Variants in SNX4 observed in about 807,000 individuals in gnomAD.
SNX4 encodes sorting nexin-4.
A neutral mutation model predicts 70.8 loss-of-function variants in SNX4; 49 were observed. The observed-to-expected ratio is 0.69, with a 90% confidence interval of 0.55 to 0.88. The LOEUF is 0.88. Ranked by LOEUF, SNX4 falls within the 40% of genes least tolerant of loss-of-function variation. The probability of loss-of-function intolerance (pLI) is 0.00; values close to 1 mark genes in which losing one functional copy is unlikely to be tolerated. For synonymous variants in SNX4, 206 were observed against 183.8 expected (o/e 1.12, Z -0.98); for missense variants, 528 against 544.8 (o/e 0.97, Z 0.31).
At chr3:125,498,304 A>G in intron 2 of SNX4, 110 bp from the exon 3 acceptor site, 1 of 1,041,142 alleles carries the variant, frequency 9.6e-7, no homozygotes, top group Admixed American at 2.8e-5. Flanking sequence ...ACCAGGCACT[A>G]AGTAAAGAAC....
intron 9 of SNX4, among the ~76,000 whole-genome samples, chr3:125,461,442 T>C (rs575723052): frequency 1.3e-5 from 2 of 152,302 alleles, no homozygotes; most frequent in Non-Finnish European, 2.9e-5. Flanking sequence ...AAAAATGGTC[T>C]TTTTCATAGG....
At chr3:125,510,044 AC>A (rs960660166) in intron 1 of SNX4, among the ~76,000 whole-genome samples, 1 of 152,194 alleles carries the variant, frequency 6.6e-6, no homozygotes. Flanking sequence ...AGAAAACAGT[AC>A]AGTGGTGCCT....
At chr3:125,467,688 C>G (rs1207256800) in intron 9 of SNX4, among the ~76,000 whole-genome samples, 1 of 152,160 alleles carries the variant, frequency 6.6e-6, no homozygotes, top group Non-Finnish European at 1.5e-5. Context: ...GCTGGGATTA[C>G]AGGCGTGAGC....
intron 5 of SNX4, among the ~76,000 whole-genome samples, chr3:125,493,181 T>TA (rs1934699991): frequency 6.6e-6 from 1 of 152,124 alleles, no homozygotes; most frequent in African/African-American, 2.4e-5. Flanking sequence ...ACTCCTGGGC[T>TA]AAAGTGATCC....
intron 5 of SNX4, among the ~76,000 whole-genome samples, chr3:125,491,265 A>G (rs1036388647): frequency 2.0e-5 from 3 of 152,238 alleles, no homozygotes; most frequent in Non-Finnish European, 2.9e-5. Flanking sequence ...CTATGAATTT[A>G]AGGTATACAT....
chr3:125,487,943 G>GTGAA (rs1165086069), intron 6 of SNX4, among the ~76,000 whole-genome samples: 3 of 151,938 alleles, frequency 2.0e-5, no homozygotes, highest in African/African-American at 7.3e-5. Context: ...AACACCAAGT[G>GTGAA]TGAACCCTAA....
At chr3:125,510,636 A>G (rs1580011127) in intron 1 of SNX4, among the ~76,000 whole-genome samples, 1 of 152,254 alleles carries the variant, frequency 6.6e-6, no homozygotes, top group East Asian at 1.9e-4. Context: ...TATATCTTAA[A>G]GACATTATGA....
At chr3:125,512,005 G>A (rs1357907111) in intron 1 of SNX4, among the ~76,000 whole-genome samples, 1 of 152,162 alleles carries the variant, frequency 6.6e-6, no homozygotes, top group Non-Finnish European at 1.5e-5. Context: ...AGCCAACCCA[G>A]TGGGTTGAAA....
intron 9 of SNX4, among the ~76,000 whole-genome samples, chr3:125,461,368 T>C (rs1477135189): frequency 6.6e-6 from 1 of 152,258 alleles, no homozygotes; most frequent in Non-Finnish European, 1.5e-5. Context: ...GTAATTACCA[T>C]GATGATTTTA....
Position 125,452,151 on chromosome 3 carries a change from G to A in SNX4, c.1191-732C>T, listed in dbSNP as rs1277483789. ...GACCAAGTCTCGCTCTGTAGCCCAGGCTGGAGTGCAGAGGCGTGATCTTGG... is the reference window on the plus strand; with the variant it reads ...GACCAAGTCTCGCTCTGTAGCCCAGACTGGAGTGCAGAGGCGTGATCTTGG... On this transcript the variant is annotated intron_variant, in intron 12 of 13. Coordinates refer to ENST00000251775, the MANE Select transcript of SNX4 (RefSeq NM_003794.4). 2.0e-5 allele frequency among the ~76,000 whole-genome samples: 3 copies of A among 151,812 alleles called. No homozygotes were observed. The South Asian group carries it at 6.3e-4, about 32-fold the overall frequency.
At chr3:125,458,129 T>A (rs1933771407) in intron 10 of SNX4, among the ~76,000 whole-genome samples, 1 of 151,484 alleles carries the variant, frequency 6.6e-6, no homozygotes, top group Admixed American at 6.6e-5. Flanking sequence ...AGATAATACC[T>A]CAAAGTTTTC....
chr3:125,519,754 C>A (rs779311129), intron 1 of SNX4, among the ~76,000 whole-genome samples: 54 of 151,956 alleles, frequency 3.6e-4, no homozygotes, highest in Non-Finnish European at 1.8e-4. Context: ...TGCGGGGGCG[C>A]CCCCCCGGGT....
rs994489478 is a variant in SNX4, at chr3:125,460,807, T to C, written c.908A>G (p.Gln303Arg). 3.2e-6 allele frequency: 5 copies of C among 1,568,178 alleles called. No individual in the cohort carries two copies. The highest frequency in any genetic ancestry group is 3.5e-6 in the Non-Finnish European group (4 of 1,157,198). ...ILEDEEHYAD[Q>R]LKEYLFYAEA... The stretch of plus-strand genomic sequence containing the variant: ...TGCATAAAAAAGATACTCTTTTAAC[T>C]GATCTGCATAATGTTCTTCATCTTC... Residue 303 changes from glutamine to arginine, a missense_variant, in exon 10 of 14, where the codon CAG becomes CGG. Around this residue, in one of 3 missense-constraint regions of SNX4, gnomAD observed 159 missense variants for 172.6 expected, o/e 0.92. Coordinates refer to ENST00000251775, the MANE Select transcript of SNX4 (RefSeq NM_003794.4).
chr3:125,520,060 G>A lies in SNX4; in HGVS notation c.113C>T (p.Ala38Val), dbSNP rs1178832781. ...GAAVGKEAEG[A>V]GEESSGVDTM... ...GTCGACCCCAGAGCTCTCTTCTCCG[G>A]CCCCCTCCGCTTCCTTGCCGACCGC... is the stretch of plus-strand genomic sequence containing the variant. The change falls in exon 1 of 14, where the codon GCC (alanine) becomes GTC (valine). Residue 38 changes from alanine to valine, a missense_variant. Coordinates refer to ENST00000251775, the MANE Select transcript of SNX4 (RefSeq NM_003794.4). The A allele has an allele frequency of 1.9e-6, 3 of 1,556,382 alleles. No individual in the cohort carries two copies. Among genetic ancestry groups the A allele is most frequent in the Admixed American group, 1.8e-5 (1 of 54,096 alleles).
chr3:125,469,174 C>T (rs911277384), intron 9 of SNX4, among the ~76,000 whole-genome samples: 6 of 152,140 alleles, frequency 3.9e-5, no homozygotes, highest in African/African-American at 1.4e-4. Context: ...AGACTTTTTA[C>T]TGTAAATGGG....
rs1474241858 is a variant in SNX4, at chr3:125,507,885, T to A, written c.142-3141A>T. 2.0e-5 allele frequency among the ~76,000 whole-genome samples: 3 copies of A among 151,940 alleles called. No homozygotes were observed. The East Asian group carries it at 5.8e-4, about 29-fold the overall frequency. On this transcript the variant is annotated intron_variant, in intron 1 of 13. Coordinates refer to ENST00000251775, the MANE Select transcript of SNX4 (RefSeq NM_003794.4). ...CCAAGATCACGCCACTGAACTTCAG[T>A]CTGGGCAACAGTCACACTCTGTCTC...
In SNX4 at chr3:125,469,461, T is replaced by C. The variant is rs759810174; in HGVS notation, c.847A>G (p.Met283Val). Residue 283 changes from methionine to valine, a missense_variant, in exon 9 of 14, where the codon ATG (methionine) becomes GTG (valine). Physicochemically the swap from Met to Val is conservative, Grantham distance 21. This residue lies in a region of SNX4 where 28 missense variants were observed against 60.0 expected (regional missense o/e 0.47). Coordinates refer to ENST00000251775, the MANE Select transcript of SNX4 (RefSeq NM_003794.4). ...AGTTCTCGAGGTACTTACACATCCA[T>C]ATGATGACCAGCACTCTGCAGTCCA... ...GDGLQSAGHH[M>V]DVYASSIDDI... The C allele has an allele frequency of 6.2e-7, 1 of 1,612,516 alleles. No homozygotes were observed. Among genetic ancestry groups the C allele is most frequent in the Non-Finnish European group, 8.5e-7 (1 of 1,178,566 alleles).
At chr3:125,495,018 G>A (rs991235460) in intron 5 of SNX4, among the ~76,000 whole-genome samples, 2 of 151,804 alleles carry the variant, frequency 1.3e-5, no homozygotes, top group Admixed American at 6.6e-5. Flanking sequence ...AAAATAGGCT[G>A]TAACCTAAAA....
chr3:125,460,771 C>T lies in SNX4; in HGVS notation c.944G>A (p.Arg315Gln), dbSNP rs759066600. The T allele has an allele frequency of 9.4e-6, 14 of 1,495,876 alleles. No homozygotes were observed. The highest frequency in any genetic ancestry group is 4.3e-5 in the African/African-American group (3 of 70,432). 92.7% of individuals were successfully genotyped at this position (1,495,876 alleles called of 1,614,324 possible). A position where few individuals can be genotyped will look rare whatever the true frequency, so the allele number is the denominator to read the frequency against. The change falls in exon 10 of 14, where the codon CGG (arginine) becomes CAG (glutamine). Residue 315 changes from arginine to glutamine, a missense_variant and splice_region_variant. Coordinates refer to ENST00000251775, the MANE Select transcript of SNX4 (RefSeq NM_003794.4). ...KEYLFYAEAL[R>Q]AVCRKHELMQ... ...CACCTGGAACTTTTATTAAACTTAC[C>T]GCAATGCTTCTGCATAAAAAAGATA...
Sources: allele counts gnomAD v4.1 joint callset (sites outside exome capture counted in the v4.1 genomes callset), GRCh38; gene constraint gnomAD v4.1.1; regional missense constraint gnomAD v4.1.1; transcripts MANE v1.5; gene names NCBI Gene and HGNC (gene_info 2026-07-23, HGNC 2026-07-21).